The following ATF1 variants were observed in gnomAD, a reference collection of about 807,000 sequenced individuals.
ATF1 encodes the protein cyclic AMP-dependent transcription factor ATF-1.
In ATF1, 16 loss-of-function variants were observed where a neutral mutation model predicts 34.7. The observed-to-expected ratio is 0.46, with a 90% CI of 0.31 to 0.70. The LOEUF (loss-of-function observed/expected upper bound fraction) is 0.70. ATF1 is among the 30% of genes least tolerant of loss of function. The pLI is 0.05. For synonymous variants in ATF1, 105 were observed against 113.1 expected (o/e 0.93, Z 0.46); for missense variants, 255 against 321.6 (o/e 0.79, Z 1.58).
At chr12:50,775,719 T>C (rs1384334272) in intron 1 of ATF1, 1 of 152,226 alleles carries the variant, frequency 6.6e-6, no homozygotes, top group East Asian at 1.9e-4. Context: ...AAAAACTCTT[T>C]TATAGTTTCA....
chr12:50,768,781 T>C (rs1219423237), intron 1 of ATF1, among the ~76,000 whole-genome samples: 1 of 152,222 alleles, frequency 6.6e-6, no homozygotes, highest in Non-Finnish European at 1.5e-5. Flanking sequence ...TTGATAAAAA[T>C]GTTAATCTTA....
At chr12:50,810,512 C>T (rs829114) in intron 4 of ATF1, among the ~76,000 whole-genome samples, 39,857 of 152,120 alleles carry the variant, frequency 0.26, 5,739 homozygotes, top group Non-Finnish European at 0.32. Context: ...TGAGCCACCA[C>T]GCCTGGCCCC....
intron 3 of ATF1, among the ~76,000 whole-genome samples, chr12:50,805,561 C>CAAA (rs370613978): frequency 4.3e-4 from 23 of 53,754 alleles, no homozygotes; most frequent in South Asian, 7.3e-4. Context: ...CTGTCTGTCT[C>CAAA]AAAAAAAAAA....
intron 2 of ATF1, among the ~76,000 whole-genome samples, chr12:50,783,326 A>G (rs949071741): frequency 2.0e-5 from 3 of 152,236 alleles, no homozygotes; most frequent in Non-Finnish European, 4.4e-5. Context: ...TTATTTGGCT[A>G]TATCTGTGAA....
At chr12:50,781,313 C>T (rs75816925) in intron 2 of ATF1, among the ~76,000 whole-genome samples, 2,635 of 152,134 alleles carry the variant, frequency 0.017, 81 homozygotes, top group African/African-American at 0.061. Flanking sequence ...GAAAAACAGT[C>T]GGTACATGTT....
intron 6 of ATF1, 37 bp from the exon 7 acceptor site, chr12:50,819,598 T>G (rs749808223): frequency 6.3e-7 from 1 of 1,598,750 alleles, no homozygotes; most frequent in South Asian, 1.1e-5. Context: ...GAATGTGAAG[T>G]TTTTTCTAAC....
chr12:50,813,059 G>A (rs762899270), intron 4 of ATF1, among the ~76,000 whole-genome samples: 108 of 152,264 alleles, frequency 7.1e-4, no homozygotes, highest in Non-Finnish European at 1.2e-3. Context: ...TGAGGCATTC[G>A]ATTCTGAAGA....
At chr12:50,801,104 A>G (rs1480248418) in intron 3 of ATF1, among the ~76,000 whole-genome samples, 2 of 152,218 alleles carry the variant, frequency 1.3e-5, no homozygotes, top group African/African-American at 4.8e-5. Flanking sequence ...CAATCAATCC[A>G]TCAATCAATT....
intron 4 of ATF1, among the ~76,000 whole-genome samples, chr12:50,809,805 TACA>T (rs1459293552): frequency 6.6e-6 from 1 of 151,436 alleles, no homozygotes. Context: ...AACTGAGACC[TACA>T]ACATTAGATA....
chr12:50,773,779 G>A (rs1204043503), intron 1 of ATF1, among the ~76,000 whole-genome samples: 1 of 151,904 alleles, frequency 6.6e-6, no homozygotes, highest in Non-Finnish European at 1.5e-5. Flanking sequence ...TAGTAGAAAT[G>A]GGGTTTTGCC....
chr12:50,775,621 G>A (rs926554595), intron 1 of ATF1: 3 of 152,266 alleles, frequency 2.0e-5, no homozygotes. Context: ...GGAGAAGTAG[G>A]AATTCTTAAG....
chr12:50,766,646 T>TCCCTCCC (rs1940642760), intron 1 of ATF1, among the ~76,000 whole-genome samples: 1 of 125,900 alleles, frequency 7.9e-6, no homozygotes, highest in Non-Finnish European at 1.6e-5. Flanking sequence ...CCCAATGCTA[T>TCCCTCCC]CCCTCCCCCC....
intron 3 of ATF1, among the ~76,000 whole-genome samples, chr12:50,796,562 G>A (rs568160088): frequency 2.0e-5 from 3 of 152,068 alleles, no homozygotes; most frequent in Non-Finnish European, 2.9e-5. Flanking sequence ...TTAGCCGGGT[G>A]TGGTAGTGCA....
At chr12:50,767,392 C>T (rs972422634) in intron 1 of ATF1, among the ~76,000 whole-genome samples, 4 of 151,984 alleles carry the variant, frequency 2.6e-5, no homozygotes, top group African/African-American at 7.3e-5. Context: ...TGGTGGCGTG[C>T]GCCTGTAGTC....
At position 50,821,118 on chromosome 12, in the gene ATF1, T is replaced by G. The variant is rs1343928414; in HGVS notation, c.*1339T>G. ...GTCTGTGAAATTAAAGGACATTTGA[T>G]AGTCTACTGAATGTAAAATATAATG... On this transcript the variant is annotated 3_prime_UTR_variant, in exon 7 of 7. Transcript: ENST00000262053. 5.6e-6 allele frequency: 1 copy of G among 177,102 alleles called. No individual in the cohort carries two copies. The highest frequency in any genetic ancestry group is 1.2e-5 in the Non-Finnish European group (1 of 82,300). The allele number at this position is 177,102 out of a possible 1,614,324, so 11.0% of individuals were successfully genotyped here. A position where few individuals can be genotyped will look rare whatever the true frequency, so the allele number is the denominator to read the frequency against.
chr12:50,796,753 CA>C (rs1941416284), intron 3 of ATF1, among the ~76,000 whole-genome samples: 1 of 151,540 alleles, frequency 6.6e-6, no homozygotes, highest in African/African-American at 2.4e-5. Context: ...TTACACAAAT[CA>C]ACACCAAATG....
At position 50,819,860 on chromosome 12, in the gene ATF1, C is replaced by G. The variant is rs1206514998; in HGVS notation, c.*81C>G. ...AGTGGAGTTTTATAAATTAAAAGGTCAAAACTGAAGCTTTTTATTTAGGCT... is the reference window on the plus strand; with the variant it reads ...AGTGGAGTTTTATAAATTAAAAGGTGAAAACTGAAGCTTTTTATTTAGGCT... On this transcript the variant is annotated 3_prime_UTR_variant, in exon 7 of 7. Transcript: ENST00000262053. 19 of 1,195,964 alleles carry G rather than the reference C, an allele frequency of 1.6e-5. No individual in the cohort carries two copies. Among genetic ancestry groups the G allele is most frequent in the Non-Finnish European group, 2.2e-5 (19 of 857,458 alleles). The allele number at this position is 1,195,964 out of a possible 1,614,324, so 74.1% of individuals were successfully genotyped here. A position where few individuals can be genotyped will look rare whatever the true frequency, so the allele number is the denominator to read the frequency against.
intron 4 of ATF1, among the ~76,000 whole-genome samples, chr12:50,810,169 C>T (rs934561443): frequency 2.0e-5 from 3 of 149,604 alleles, no homozygotes; most frequent in Non-Finnish European, 4.4e-5. Context: ...TAGTTCCGTA[C>T]ATAATTGCTG....
chr12:50,800,828 G>A (rs987746759), intron 3 of ATF1, among the ~76,000 whole-genome samples: 21 of 152,172 alleles, frequency 1.4e-4, no homozygotes, highest in Non-Finnish European at 2.5e-4. Flanking sequence ...GGCTGGGCGC[G>A]GTGGCTCATG....
Sources: allele counts gnomAD v4.1 joint callset (sites outside exome capture counted in the v4.1 genomes callset), GRCh38; gene constraint gnomAD v4.1.1; transcripts MANE v1.5; gene names NCBI Gene and HGNC (gene_info 2026-07-23, HGNC 2026-07-21).